The following MYH8 variants were observed in gnomAD, a reference collection of about 807,000 sequenced individuals.
MYH8 encodes myosin heavy chain 8, also known as myosin-8.
MYH8 carries 168 observed loss-of-function variants against 233.2 expected under a neutral mutation model. That is an observed-to-expected ratio of 0.72 (90% CI 0.64 to 0.82). The LOEUF (loss-of-function observed/expected upper bound fraction) is 0.82. Among genes scored for constraint, MYH8 ranks in the 40% least tolerant of loss-of-function variants. The pLI is 0.00. For synonymous variants in MYH8, 785 were observed against 850.6 expected (o/e 0.92, Z 1.34); for missense variants, 1,995 against 2,327.8 (o/e 0.86, Z 2.94).
chr17:10,407,542 T>C (rs12150296), intron 17 of MYH8, among the ~76,000 whole-genome samples: 25,634 of 151,966 alleles, frequency 0.17, 2,906 homozygotes, highest in Non-Finnish European at 0.25. Context: ...TTTTGAAGAG[T>C]CTAAAATTGT....
In MYH8 at chr17:10,401,444, T is replaced by C; in HGVS notation, c.2939A>G (p.Asn980Ser). The change falls in exon 24 of 40, where the codon AAT (asparagine) becomes AGT (serine). Residue 980 changes from asparagine to serine, a missense_variant. Transcript: ENST00000403437. ...EKHATENKVK[N>S]LTEEMAGLDE... ...CAGGCCTGCCATCTCTTCTGTAAGA[T>C]TTTTCACCTACAAAGGTTAAGAAAG... The C allele has an allele frequency of 1.9e-6, 3 of 1,614,014 alleles. No homozygotes were observed. The highest frequency in any genetic ancestry group is 2.5e-6 in the Non-Finnish European group (3 of 1,180,016).
rs2072283467 is a variant in MYH8 at position 10,415,626 on chromosome 17, A to G, written c.540-46T>C. 2 of 1,613,686 alleles carry G rather than the reference A, an allele frequency of 1.2e-6. No individual in the cohort carries two copies. Among genetic ancestry groups the G allele is most frequent in the African/African-American group, 2.7e-5 (2 of 75,046 alleles). ...AAGAGATCAGAGAACTATGGCCTGC[A>G]TTGTCAACATCTAAGACAATCCTTG... On this transcript the variant is annotated intron_variant, in intron 6 of 39. Transcript: ENST00000403437. The surrounding 1 kb of genome is among the most constrained non-coding windows in gnomAD (Gnocchi z 4.1).
In MYH8 at chr17:10,417,400, A is replaced by G. The variant is rs1383259838; in HGVS notation, c.511+1245T>C. Among the ~76,000 whole-genome samples the G allele has an allele frequency of 6.6e-6, 1 of 152,222 alleles. No homozygotes were observed. Among genetic ancestry groups the G allele is most frequent in the Non-Finnish European group, 1.5e-5 (1 of 68,046 alleles). On this transcript the variant is annotated intron_variant, in intron 5 of 39. Coordinates refer to ENST00000403437, the MANE Select transcript of MYH8 (RefSeq NM_002472.3). This position sits in a 1 kb window ranked among gnomAD's most constrained non-coding sequence, Gnocchi z 4.1. Reference sequence around the variant, plus strand: ...TCGATGCAGATTTTGCATCCTATTCAGATAGATTTGTTTTCTAGTATAAGT... The same window carrying G: ...TCGATGCAGATTTTGCATCCTATTCGGATAGATTTGTTTTCTAGTATAAGT...
rs949402573 is a variant in MYH8 at position 10,392,791 on chromosome 17, C to T, written c.5463+40G>A. 9 of 1,613,994 alleles carry T rather than the reference C, an allele frequency of 5.6e-6. No homozygotes were observed. The African/African-American group carries it at 1.2e-4, about 22-fold the overall frequency. Reference sequence around the variant, plus strand: ...AAGAGAGAAGGGTAGAGAGAGTGCCCTTTTTCCCTTCCCAGATTTAGAGAG... The same window carrying T: ...AAGAGAGAAGGGTAGAGAGAGTGCCTTTTTTCCCTTCCCAGATTTAGAGAG... On this transcript the variant is annotated intron_variant, in intron 37 of 39. Coordinates refer to ENST00000403437, the MANE Select transcript of MYH8 (RefSeq NM_002472.3).
rs377068313 is a variant in MYH8, at chr17:10,404,437, T to C, written c.2581A>G (p.Lys861Glu). Residue 861 changes from lysine to glutamate, a missense_variant, in exon 22 of 40, where the codon AAA becomes GAA. Around this residue, in one of 3 missense-constraint regions of MYH8, gnomAD observed 1,498 missense variants for 1,680.9 expected, o/e 0.89. Coordinates refer to ENST00000403437, the MANE Select transcript of MYH8 (RefSeq NM_002472.3). ...GACTTGGCGAGTTCATCTTTGGTTT[T>C]CTGGAATTCTTCCTTCATGGTGGCC... ...EMATMKEEFQKTKDELAKSEA... is the reference protein window; with the variant it reads ...EMATMKEEFQETKDELAKSEA... 3 of 1,614,090 alleles carry C rather than the reference T, an allele frequency of 1.9e-6. No homozygotes were observed. The highest frequency in any genetic ancestry group is 1.7e-6 in the Non-Finnish European group (2 of 1,179,972).
rs757475660 is a variant in MYH8, at chr17:10,406,069, C to T, written c.2404G>A (p.Val802Ile). ...QAVCRGFLMRVEYQKMLQRRE... is the reference protein window; with the variant it reads ...QAVCRGFLMRIEYQKMLQRRE... ...CTTTGCAACATCTTCTGATATTCTA[C>T]CCTCATTAGGAATCCCCTACAGACA... The change falls in exon 21 of 40, where the codon GTA becomes ATA. Residue 802 changes from valine (V) to isoleucine (I), a missense_variant. This residue lies in a region of MYH8 where 1,498 missense variants were observed against 1,680.9 expected (regional missense o/e 0.89). Coordinates refer to ENST00000403437, the MANE Select transcript of MYH8 (RefSeq NM_002472.3). The T allele has an allele frequency of 5.0e-6, 8 of 1,613,894 alleles. No homozygotes were observed. In the East Asian group the frequency reaches 1.8e-4, roughly 36 times the overall value.
At position 10,399,585 on chromosome 17, in the gene MYH8, T is replaced by C. The variant is rs913641047; in HGVS notation, c.3820A>G (p.Asn1274Asp). ...TKEEEQQRLI[N>D]DLTAQRARLQ... ...CGCGCTCTCTGTGCTGTGAGGTCATTGATCAGCCGCTGCTGCTCCTCTTCC... is the reference window on the plus strand; with the variant it reads ...CGCGCTCTCTGTGCTGTGAGGTCATCGATCAGCCGCTGCTGCTCCTCTTCC... Residue 1274 changes from asparagine (N) to aspartate (D), a missense_variant, in exon 28 of 40, where the codon AAT (asparagine) becomes GAT (aspartate). Coordinates refer to ENST00000403437, the MANE Select transcript of MYH8 (RefSeq NM_002472.3). The C allele has an allele frequency of 6.2e-7, 1 of 1,614,038 alleles. No homozygotes were observed. The highest frequency in any genetic ancestry group is 8.5e-7 in the Non-Finnish European group (1 of 1,180,034).
At position 10,396,350 on chromosome 17, in the gene MYH8, C is replaced by A. The variant is rs748880308; in HGVS notation, c.4633G>T (p.Ala1545Ser). ...QVEQEKCEIQAALEEAEASLE... is the reference protein window; with the variant it reads ...QVEQEKCEIQSALEEAEASLE... ...TGTACCTCTGCTTCCTCTAAAGCAG[C>A]CTGAATTTCACATTTCTCTTGTTCT... Residue 1545 changes from alanine to serine, a missense_variant, in exon 33 of 40, where the codon GCT (alanine) becomes TCT (serine). By Grantham distance (99) the Ala-to-Ser change is moderately conservative (BLOSUM62 1). Transcript: ENST00000403437. The surrounding 1 kb of genome is among the most constrained non-coding windows in gnomAD (Gnocchi z 4.2). 25 of 1,613,924 alleles carry A rather than the reference C, an allele frequency of 1.5e-5. No homozygotes were observed. The highest frequency in any genetic ancestry group is 4.0e-5 in the African/African-American group (3 of 74,916).
In MYH8 at chr17:10,399,494, T is replaced by C. The variant is rs369275390; in HGVS notation, c.3862+49A>G. 14 of 1,611,666 alleles carry C rather than the reference T, an allele frequency of 8.7e-6. 1 individual carries two copies. The highest frequency in any genetic ancestry group is 2.2e-5 in the East Asian group (1 of 44,864). On this transcript the variant is annotated intron_variant, in intron 28 of 39. Coordinates refer to ENST00000403437, the MANE Select transcript of MYH8 (RefSeq NM_002472.3). ...TTGCTATTTATTAGAACCCCTAGAA[T>C]CCATTTTATTTAGTCCATGGTGTTG... is the stretch of plus-strand genomic sequence containing the variant.
intron 34 of MYH8, 109 bp downstream of exon 34, chr17:10,395,024 G>A: frequency 1.7e-6 from 2 of 1,197,476 alleles, no homozygotes; most frequent in Non-Finnish European, 2.5e-6. Context: ...TGTGCGGTCA[G>A]CTGTATAATT....
At chr17:10,391,831 T>G in intron 39 of MYH8, 51 bp downstream of exon 39, 2 of 1,433,218 alleles carry the variant, frequency 1.4e-6, no homozygotes, top group Non-Finnish European at 9.8e-7. Flanking sequence ...TAAAACACTT[T>G]CTACTGCAAA....
At chr17:10,401,504 G>A in intron 23 of MYH8, 39 bp downstream of exon 23, 1 of 1,614,100 alleles carries the variant, frequency 6.2e-7, no homozygotes, top group Non-Finnish European at 8.5e-7. Context: ...TTAGTTGGTG[G>A]CAGAACCTCT....
At chr17:10,413,374 C>T (rs755823463) in intron 12 of MYH8, among the ~76,000 whole-genome samples, 4 of 152,270 alleles carry the variant, frequency 2.6e-5, no homozygotes, top group Non-Finnish European at 4.4e-5. Context: ...CTGTATATTG[C>T]GTGCTCTTTC....
At chr17:10,399,484 A>C in intron 28 of MYH8, 59 bp downstream of exon 28, 1 of 1,610,822 alleles carries the variant, frequency 6.2e-7, no homozygotes, top group Non-Finnish European at 8.5e-7. Flanking sequence ...ATTTATTAGA[A>C]CCCCTAGAAT....
chr17:10,390,431 T>A lies in MYH8; in HGVS notation c.*23A>T, dbSNP rs114608011. The A allele has an allele frequency of 1.1e-3, 1,713 of 1,612,742 alleles. 17 individuals carry two copies. In the African/African-American group the frequency reaches 0.02, roughly 19 times the overall value. The stretch of plus-strand genomic sequence containing the variant: ...ACATTTTGTGCCTTTCTTCAGCCTC[T>A]TGATAGCATCAGGCAGGTGTGTTTA... On this transcript the variant is annotated 3_prime_UTR_variant, in exon 40 of 40. Coordinates refer to ENST00000403437, the MANE Select transcript of MYH8 (RefSeq NM_002472.3).
intron 14 of MYH8, among the ~76,000 whole-genome samples, chr17:10,411,577 A>T (rs1377372545): frequency 3.3e-5 from 5 of 152,174 alleles, no homozygotes; most frequent in African/African-American, 1.2e-4. Flanking sequence ...TAAAAGGGAA[A>T]GGAGTTGATT....
chr17:10,411,331 G>A (rs189262202), intron 14 of MYH8, among the ~76,000 whole-genome samples: 283 of 151,324 alleles, frequency 1.9e-3, no homozygotes, highest in African/African-American at 6.6e-3. Context: ...AGCTGAGATC[G>A]CGCCACTGCA....
chr17:10,395,953 T>A (rs1345957950), intron 33 of MYH8, among the ~76,000 whole-genome samples: 1 of 152,156 alleles, frequency 6.6e-6, no homozygotes, highest in Non-Finnish European at 1.5e-5. Flanking sequence ...CTATATATTT[T>A]TACATAATCA....
chr17:10,406,785 C>A lies in MYH8; in HGVS notation c.2076G>T (p.Val692=). 1 of 1,614,154 alleles carries A rather than the reference C, an allele frequency of 6.2e-7. No homozygotes were observed. The highest frequency in any genetic ancestry group is 8.5e-7 in the Non-Finnish European group (1 of 1,180,024). ...KTPGAMEHEL[V]LHQLRCNGVL... ...CACCATTACACCTCAGCTGGTGCAA[C>A]ACAAGTTCATGTTCCATTGCCCCTA... The change falls in exon 19 of 40, where the codon GTG becomes GTT. Residue 692 remains valine, a synonymous_variant. Transcript: ENST00000403437.
Sources: allele counts gnomAD v4.1 joint callset (sites outside exome capture counted in the v4.1 genomes callset), GRCh38; gene constraint gnomAD v4.1.1; regional missense constraint gnomAD v4.1.1; non-coding constraint Gnocchi (gnomAD v3.1); transcripts MANE v1.5; gene names NCBI Gene and HGNC (gene_info 2026-07-23, HGNC 2026-07-21).